Variants in COPG2 observed in about 807,000 individuals in gnomAD.
COPG2 encodes the protein coatomer subunit gamma-2.
A neutral mutation model predicts 46.3 loss-of-function variants in COPG2; 37 were observed. That is an observed-to-expected ratio of 0.80 (90% CI 0.61 to 1.05). The LOEUF is 1.05. Ranked by LOEUF, COPG2 falls within the 50% of genes least tolerant of loss-of-function variation. COPG2 has a pLI of 0.00. For missense variants in COPG2, 427 were observed against 387.8 expected, an observed-to-expected ratio of 1.10 and a Z score of -0.85; for synonymous variants, 159 against 129.7, an observed-to-expected ratio of 1.23 and a Z score of -1.53.
intron 5 of COPG2, among the ~76,000 whole-genome samples, chr7:130,637,146 G>C (rs1314917784): frequency 1.3e-5 from 2 of 152,178 alleles, no homozygotes; most frequent in Non-Finnish European, 2.9e-5. Context: ...CTCTCTGGCT[G>C]CCCTTAACAT....
chr7:130,510,710 C>T (rs1554440908), intron 20 of COPG2, among the ~76,000 whole-genome samples: 1 of 113,362 alleles, frequency 8.8e-6, no homozygotes, highest in East Asian at 3.1e-4. Flanking sequence ...AGATAATGTT[C>T]CTGAAACCTT....
At chr7:130,598,779 A>G (rs1386224352) in intron 9 of COPG2, among the ~76,000 whole-genome samples, 5 of 152,206 alleles carry the variant, frequency 3.3e-5, no homozygotes, top group Non-Finnish European at 7.3e-5. Context: ...CCAACGGGCT[A>G]TCCAGCTAAA....
At chr7:130,573,965 A>G (rs1458098835) in intron 9 of COPG2, among the ~76,000 whole-genome samples, 1 of 152,252 alleles carries the variant, frequency 6.6e-6, no homozygotes, top group Non-Finnish European at 1.5e-5. Flanking sequence ...TAAACTCATC[A>G]TATGACCCAG....
intron 5 of COPG2, among the ~76,000 whole-genome samples, chr7:130,648,907 C>T (rs1795674946): frequency 1.3e-5 from 2 of 152,128 alleles, no homozygotes; most frequent in African/African-American, 4.8e-5. Context: ...CCTCTCATTT[C>T]TTTTCTAATT....
intron 9 of COPG2, among the ~76,000 whole-genome samples, chr7:130,583,577 C>T (rs1225093228): frequency 1.4e-5 from 2 of 142,106 alleles, no homozygotes; most frequent in East Asian, 2.1e-4. Context: ...GAGGCTGAGG[C>T]GGGTGGATCA....
intron 20 of COPG2, among the ~76,000 whole-genome samples, chr7:130,519,326 G>A (rs2116344633): frequency 1.3e-5 from 2 of 152,262 alleles, no homozygotes; most frequent in African/African-American, 4.8e-5. Flanking sequence ...AGCAATTGGT[G>A]GAGTCAACAG....
intron 9 of COPG2, chr7:130,607,480 C>A: frequency 2.3e-6 from 1 of 440,308 alleles, no homozygotes; most frequent in Non-Finnish European, 4.5e-6. Flanking sequence ...CTCTAGAACT[C>A]ATGGAGTTTC....
chr7:130,626,031 T>C (rs1795113894), intron 5 of COPG2, among the ~76,000 whole-genome samples: 1 of 152,224 alleles, frequency 6.6e-6, no homozygotes, highest in East Asian at 1.9e-4. Context: ...GATGTTTTGA[T>C]ACATAGAATG....
intron 5 of COPG2, among the ~76,000 whole-genome samples, chr7:130,634,690 A>C (rs1554455826): frequency 1.3e-5 from 2 of 152,198 alleles, no homozygotes. Context: ...CTCCTATCTG[A>C]ATACCTTTAT....
intron 5 of COPG2, among the ~76,000 whole-genome samples, chr7:130,623,115 C>T (rs1483604732): frequency 2.6e-5 from 4 of 152,238 alleles, no homozygotes; most frequent in South Asian, 2.1e-4. Context: ...TGGTTGCCAA[C>T]GTGTCACTCA....
At chr7:130,660,300 T>C (rs913592338) in intron 4 of COPG2, among the ~76,000 whole-genome samples, 11 of 152,232 alleles carry the variant, frequency 7.2e-5, no homozygotes, top group Non-Finnish European at 1.5e-5. Flanking sequence ...GCACCTCGTC[T>C]GACTCCATTT....
chr7:130,606,531 G>A (rs553875769), intron 9 of COPG2, among the ~76,000 whole-genome samples: 2 of 152,294 alleles, frequency 1.3e-5, no homozygotes, highest in South Asian at 4.2e-4. Flanking sequence ...TTGGCAGAGA[G>A]CTTAGTGAAT....
chr7:130,637,010 G>A lies in COPG2; in HGVS notation c.323+15859C>T, dbSNP rs575955173. ...TTAGTTTGTCTGGATATAAAATTCC[G>A]GGCTGAAAATTCTTTTCTTTAAGAA... On this transcript the variant is annotated intron_variant, in intron 5 of 23. Coordinates refer to ENST00000425248, the MANE Select transcript of COPG2 (RefSeq NM_012133.6). Among the ~76,000 whole-genome samples, 274 of 152,192 alleles carry A rather than the reference G, an allele frequency of 1.8e-3. 2 individuals are homozygous for A. The highest frequency in any genetic ancestry group is 2.4e-3 in the Non-Finnish European group (161 of 68,006).
At chr7:130,549,208 G>C in intron 18 of COPG2, 106 bp downstream of exon 18, 1 of 397,504 alleles carries the variant, frequency 2.5e-6, no homozygotes, top group Non-Finnish European at 4.4e-6. Context: ...GCCACACGAA[G>C]ATTTCCTATA....
chr7:130,653,888 A>G (rs1795798921), intron 4 of COPG2, among the ~76,000 whole-genome samples: 1 of 152,192 alleles, frequency 6.6e-6, no homozygotes, highest in Non-Finnish European at 1.5e-5. Context: ...AGGCACACAC[A>G]TGGGGCAGAT....
chr7:130,626,941 T>C (rs1554454375), intron 5 of COPG2, among the ~76,000 whole-genome samples: 2 of 152,140 alleles, frequency 1.3e-5, no homozygotes, highest in African/African-American at 4.8e-5. Context: ...TGGAGTGCAG[T>C]AGCACGATAC....
At chr7:130,653,061 G>A in intron 4 of COPG2, 113 bp from the exon 5 acceptor site, 1 of 659,332 alleles carries the variant, frequency 1.5e-6, no homozygotes, top group Non-Finnish European at 2.5e-6. Flanking sequence ...TTCTTTAAAA[G>A]AGTCTCATCT....
intron 9 of COPG2, among the ~76,000 whole-genome samples, chr7:130,591,344 C>G (rs1402663484): frequency 0.03 from 474 of 15,984 alleles, 187 homozygotes; most frequent in East Asian, 0.11. Flanking sequence ...GCCCCTACTG[C>G]GAAGTGAGGA....
intron 9 of COPG2, among the ~76,000 whole-genome samples, chr7:130,577,783 A>AC (rs1563048083): frequency 6.6e-6 from 1 of 150,848 alleles, no homozygotes. Context: ...AAAAAAAAAA[A>AC]AAAAACAAAA....
Sources: gnomAD v4.1 joint callset for allele counts (sites outside exome capture counted in the v4.1 genomes callset) on GRCh38, gnomAD v4.1.1 for gene constraint, MANE v1.5 for transcripts, NCBI Gene and HGNC (gene_info 2026-07-23, HGNC 2026-07-21) for gene names.